Variants in SUFU observed in about 807,000 individuals in gnomAD.
SUFU encodes suppressor of fused homolog.
In SUFU, 7 loss-of-function variants were observed where a neutral mutation model predicts 58.9. That is an observed-to-expected ratio of 0.12 (90% CI 0.07 to 0.22). The LOEUF (loss-of-function observed/expected upper bound fraction) is 0.22. SUFU is among the 10% of genes least tolerant of loss of function. SUFU has a pLI of 1.00. For synonymous variants in SUFU, 232 were observed against 254.8 expected (o/e 0.91, Z 0.85); for missense variants, 451 against 641.3 (o/e 0.70, Z 3.20).
At chr10:102,584,477 G>C (rs971583036) in intron 3 of SUFU, among the ~76,000 whole-genome samples, 2 of 151,996 alleles carry the variant, frequency 1.3e-5, no homozygotes, top group African/African-American at 4.8e-5. Flanking sequence ...CACCATGCCC[G>C]GCCCAGTTTG....
At chr10:102,595,217 A>G (rs1310008108) in intron 6 of SUFU, among the ~76,000 whole-genome samples, 1 of 152,218 alleles carries the variant, frequency 6.6e-6, no homozygotes, top group Non-Finnish European at 1.5e-5. Context: ...AGCAAGAGAA[A>G]GGTGGCAGAT....
At chr10:102,557,922 A>G (rs1289612012) in intron 3 of SUFU, among the ~76,000 whole-genome samples, 5 of 150,224 alleles carry the variant, frequency 3.3e-5, no homozygotes, top group Admixed American at 6.6e-5. Flanking sequence ...TTTTTTTGAG[A>G]CGGAGTCTTG....
At chr10:102,519,152 A>AAG (rs1564661836) in intron 2 of SUFU, among the ~76,000 whole-genome samples, 3 of 150,558 alleles carry the variant, frequency 2.0e-5, no homozygotes, top group Non-Finnish European at 4.4e-5. Context: ...AAAAAAAAAA[A>AAG]AAAGAAAGAG....
chr10:102,544,947 T>C (rs1161240379), intron 2 of SUFU, among the ~76,000 whole-genome samples: 1 of 152,236 alleles, frequency 6.6e-6, no homozygotes. Flanking sequence ...TATGCATACT[T>C]CATTCTTTTT....
rs146350245 is a variant in SUFU at position 102,629,152 on chromosome 10, G to A, written c.1366-914G>A. Reference sequence around the variant, plus strand: ...GCCTGGGCAACAAGAGCGAAACTCCGTCTCAAAAGAAAAAGAAAAGACAGA... The same window carrying A: ...GCCTGGGCAACAAGAGCGAAACTCCATCTCAAAAGAAAAAGAAAAGACAGA... On this transcript the variant is annotated intron_variant, in intron 11 of 11. Coordinates refer to ENST00000369902, the MANE Select transcript of SUFU (RefSeq NM_016169.4). This position sits in a 1 kb window ranked among gnomAD's most constrained non-coding sequence, Gnocchi z 4.7. Among the ~76,000 whole-genome samples the A allele has an allele frequency of 3.0e-3, 460 of 152,230 alleles. 4 individuals are homozygous for A. Among genetic ancestry groups the A allele is most frequent in the African/African-American group, 0.011 (437 of 41,542 alleles).
At position 102,615,394 on chromosome 10, in the gene SUFU, C is replaced by A; in HGVS notation, c.1149C>A (p.Leu383=). The A allele has an allele frequency of 6.2e-7, 1 of 1,614,090 alleles. No homozygotes were observed. Among genetic ancestry groups the A allele is most frequent in the Non-Finnish European group, 8.5e-7 (1 of 1,179,966 alleles). ...FNQESGALIP[L]CLRGRLLHGR... ...AGGAGTCCGGAGCCCTCATTCCTCT[C>A]TGCCTAAGGTGAGCGAGACAGCCCT... Residue 383 remains leucine (L), a synonymous_variant, in exon 9 of 12, where the codon CTC becomes CTA. Transcript: ENST00000369902.
At position 102,632,546 on chromosome 10, in the gene SUFU, TAAA is replaced by T. The variant is rs1234297313; in HGVS notation, c.*2392_*2394del. On this transcript the variant is annotated 3_prime_UTR_variant, in exon 12 of 12. Transcript: ENST00000369902. ...CTGCTGGCTGGTGAGAGAGGACCCT[TAAA>T]GAAGATCAAGCCAAGCTGACCTTGG... The T allele has an allele frequency of 4.3e-6, 1 of 233,098 alleles. No individual in the cohort carries two copies. The highest frequency in any genetic ancestry group is 5.6e-5 in the Admixed American group (1 of 17,774). 14.4% of individuals were successfully genotyped at this position (233,098 alleles called of 1,614,324 possible). A position where few individuals can be genotyped will look rare whatever the true frequency, so the allele number is the denominator to read the frequency against.
At chr10:102,516,981 G>A (rs189910797) in intron 2 of SUFU, among the ~76,000 whole-genome samples, 1 of 151,696 alleles carries the variant, frequency 6.6e-6, no homozygotes, top group African/African-American at 2.4e-5. Flanking sequence ...AAATTAGCCG[G>A]GTGTGGTGGT....
At chr10:102,534,524 G>A (rs1442302478) in intron 2 of SUFU, among the ~76,000 whole-genome samples, 1 of 152,234 alleles carries the variant, frequency 6.6e-6, no homozygotes, top group African/African-American at 2.4e-5. Context: ...AAATGTTCAC[G>A]TTCTGCTTTC....
chr10:102,526,266 C>T (rs546261976), intron 2 of SUFU, among the ~76,000 whole-genome samples: 1 of 151,596 alleles, frequency 6.6e-6, no homozygotes, highest in South Asian at 2.1e-4. Flanking sequence ...GAAAGTAAAG[C>T]AGGGCGCCAA....
chr10:102,579,640 T>C (rs1564690827), intron 3 of SUFU, among the ~76,000 whole-genome samples: 1 of 152,242 alleles, frequency 6.6e-6, no homozygotes, highest in East Asian at 1.9e-4. Context: ...CTGGAAGGAA[T>C]AGCCTTTACA....
chr10:102,511,260 A>G (rs755178578), intron 2 of SUFU, among the ~76,000 whole-genome samples: 2 of 152,132 alleles, frequency 1.3e-5, no homozygotes, highest in Non-Finnish European at 2.9e-5. Context: ...TGTCAATTAA[A>G]AATAAAATAA....
At chr10:102,602,116 T>A (rs1273684163) in intron 8 of SUFU, among the ~76,000 whole-genome samples, 3 of 152,330 alleles carry the variant, frequency 2.0e-5, no homozygotes, top group African/African-American at 7.2e-5. Context: ...CTGTGCTAGG[T>A]AATGTGCCAG....
At chr10:102,585,030 C>T (rs985330450) in intron 3 of SUFU, among the ~76,000 whole-genome samples, 2 of 152,264 alleles carry the variant, frequency 1.3e-5, no homozygotes, top group Non-Finnish European at 2.9e-5. Flanking sequence ...GGCCAGGCTG[C>T]TGTGCCTGGG....
At chr10:102,516,133 T>C (rs1448555159) in intron 2 of SUFU, among the ~76,000 whole-genome samples, 3 of 148,954 alleles carry the variant, frequency 2.0e-5, no homozygotes, top group Admixed American at 2.0e-4. Context: ...TTCTTTTTTT[T>C]TTTTTTTTTT....
intron 2 of SUFU, among the ~76,000 whole-genome samples, chr10:102,538,228 CT>C (rs1213696768): frequency 6.6e-6 from 1 of 152,150 alleles, no homozygotes; most frequent in Non-Finnish European, 1.5e-5. Context: ...TTTTTAGTGA[CT>C]TGTAATGTCC....
intron 2 of SUFU, among the ~76,000 whole-genome samples, chr10:102,544,936 G>A (rs985806201): frequency 4.6e-5 from 7 of 152,050 alleles, no homozygotes; most frequent in East Asian, 3.8e-4. Context: ...ATGTTATAGC[G>A]TATGCATACT....
intron 3 of SUFU, among the ~76,000 whole-genome samples, chr10:102,554,663 G>A (rs192908684): frequency 3.2e-4 from 49 of 152,226 alleles, no homozygotes; most frequent in Admixed American, 1.2e-3. Context: ...AAGTAGCTCC[G>A]CATCCCCACT....
At position 102,619,456 on chromosome 10, in the gene SUFU, C is replaced by T. The variant is rs751900904; in HGVS notation, c.1296+2028C>T. 12 of 1,286,002 alleles carry T rather than the reference C, an allele frequency of 9.3e-6. No individual in the cohort carries two copies. Among genetic ancestry groups the T allele is most frequent in the Non-Finnish European group, 1.2e-5 (12 of 1,007,762 alleles). The allele number at this position is 1,286,002 out of a possible 1,614,324, so 79.7% of individuals were successfully genotyped here. ...TTCAATAAAGTTGCTGTGCTGGGAG[C>T]TACTCAATCAAAGGCCTGTGTTATG... On this transcript the variant is annotated intron_variant, in intron 10 of 11. Coordinates refer to ENST00000369902, the MANE Select transcript of SUFU (RefSeq NM_016169.4). This position sits in a 1 kb window ranked among gnomAD's most constrained non-coding sequence, Gnocchi z 4.2.
Sources: gnomAD v4.1 joint callset for allele counts (sites outside exome capture counted in the v4.1 genomes callset) on GRCh38, gnomAD v4.1.1 for gene constraint, Gnocchi (gnomAD v3.1) non-coding constraint, MANE v1.5 for transcripts, NCBI Gene and HGNC (gene_info 2026-07-23, HGNC 2026-07-21) for gene names.